The following GCNT1 variants were observed in gnomAD, a reference collection of about 807,000 sequenced individuals.
GCNT1 encodes glucosaminyl (N-acetyl) transferase 1.
Under a neutral mutation model 26.2 loss-of-function variants are expected in GCNT1, and 16 were observed. The observed-to-expected ratio is 0.61, with a 90% confidence interval of 0.41 to 0.93. The LOEUF (loss-of-function observed/expected upper bound fraction) is 0.93, where lower values mean the gene tolerates loss of function less well. GCNT1 is among the 40% of genes least tolerant of loss of function. GCNT1 has a pLI of 0.00. For missense variants in GCNT1, 477 were observed against 526.7 expected (o/e 0.91, Z 0.92); for synonymous variants, 183 against 190.8 (o/e 0.96, Z 0.34).
intron 1 of GCNT1, among the ~76,000 whole-genome samples, chr9:76,423,219 GT>G (rs1424481502): frequency 6.6e-6 from 1 of 152,206 alleles, no homozygotes. Context: ...GTTTAAATGT[GT>G]CCCCCAAAGT....
At chr9:76,480,233 T>C (rs1328552254) in intron 2 of GCNT1, among the ~76,000 whole-genome samples, 1 of 152,164 alleles carries the variant, frequency 6.6e-6, no homozygotes, top group Admixed American at 6.5e-5. Flanking sequence ...TTGGTACCAG[T>C]ACCATGCTGT....
chr9:76,453,373 G>T (rs1166490055), intron 1 of GCNT1, among the ~76,000 whole-genome samples: 2 of 152,128 alleles, frequency 1.3e-5, no homozygotes, highest in Non-Finnish European at 2.9e-5. Flanking sequence ...GAGGGATGAG[G>T]ATGATGGGAA....
chr9:76,493,858 G>C (rs1244101780), intron 2 of GCNT1, among the ~76,000 whole-genome samples: 1 of 152,098 alleles, frequency 6.6e-6, no homozygotes, highest in African/African-American at 2.4e-5. Context: ...GGATAGTATT[G>C]TAATTTCTAC....
chr9:76,404,130 A>G, the GCNT1 span, among the ~76,000 whole-genome samples: 1 of 152,224 alleles, frequency 6.6e-6, no homozygotes, highest in Non-Finnish European at 1.5e-5. Flanking sequence ...CAAATTCATG[A>G]TACCTTTGGA....
chr9:76,427,656 C>A (rs1229915484), intron 1 of GCNT1, among the ~76,000 whole-genome samples: 1 of 152,052 alleles, frequency 6.6e-6, no homozygotes, highest in African/African-American at 2.4e-5. Context: ...ATAGTTTATA[C>A]ATGTGAAAAA....
At chr9:76,423,723 A>G (rs1316670142) in intron 1 of GCNT1, among the ~76,000 whole-genome samples, 3 of 152,236 alleles carry the variant, frequency 2.0e-5, no homozygotes, top group African/African-American at 7.2e-5. Flanking sequence ...GGGATTCAAC[A>G]ACTCTTCTAG....
At chr9:76,500,850 AT>A (rs1825043892) in intron 2 of GCNT1, 65 bp from the exon 3 acceptor site, 1 of 152,166 alleles carries the variant, frequency 6.6e-6, no homozygotes, top group South Asian at 2.1e-4. Flanking sequence ...TCACCAACAT[AT>A]TTTCTGAGTG....
At chr9:76,479,048 C>T (rs1268194118) in intron 2 of GCNT1, among the ~76,000 whole-genome samples, 2 of 152,020 alleles carry the variant, frequency 1.3e-5, no homozygotes, top group Non-Finnish European at 2.9e-5. Context: ...TGATGTCCCC[C>T]TTCCTGTGTC....
At chr9:76,409,050 T>C in the GCNT1 span, among the ~76,000 whole-genome samples, 1 of 152,194 alleles carries the variant, frequency 6.6e-6, no homozygotes, top group Non-Finnish European at 1.5e-5. Flanking sequence ...TCTTAAATAT[T>C]TAGAAGAATT....
chr9:76,421,063 T>A (rs7041690), intron 1 of GCNT1, among the ~76,000 whole-genome samples: 2 of 151,886 alleles, frequency 1.3e-5, no homozygotes, highest in Non-Finnish European at 1.5e-5. Flanking sequence ...TATTTTTTCC[T>A]CATGGGGTCA....
At chr9:76,477,700 C>G (rs1044030545) in intron 2 of GCNT1, among the ~76,000 whole-genome samples, 30 of 152,194 alleles carry the variant, frequency 2.0e-4, no homozygotes, top group African/African-American at 6.3e-4. Flanking sequence ...CATATTTGCA[C>G]TGTTGTGCAG....
At chr9:76,404,665 T>C in the GCNT1 span, among the ~76,000 whole-genome samples, 24 of 152,252 alleles carry the variant, frequency 1.6e-4, no homozygotes, top group Middle Eastern at 6.8e-3. Context: ...GGGCATGATA[T>C]AAGTCCAGCT....
chr9:76,500,901 T>G lies in GCNT1; in HGVS notation c.-289-15T>G, dbSNP rs901078619. The G allele has an allele frequency of 6.6e-6, 1 of 152,182 alleles. No individual in the cohort carries two copies. The highest frequency in any genetic ancestry group is 2.4e-5 in the African/African-American group (1 of 41,430). The allele number at this position is 152,182 out of a possible 1,614,324, so 9.4% of individuals were successfully genotyped here. A position where few individuals can be genotyped will look rare whatever the true frequency, so the allele number is the denominator to read the frequency against. ...GTCCATATATCCCTTGTCACATTGT[T>G]TTTTAATTTCACAGATTTCTTTAAA... On this transcript the variant is annotated splice_polypyrimidine_tract_variant and intron_variant, in intron 2 of 3. Transcript: ENST00000376730.
the GCNT1 span, among the ~76,000 whole-genome samples, chr9:76,405,775 A>G: frequency 2.6e-5 from 4 of 152,044 alleles, no homozygotes; most frequent in African/African-American, 9.7e-5. Flanking sequence ...ATCATAGTTT[A>G]TTTTCCTATT....
intron 2 of GCNT1, among the ~76,000 whole-genome samples, chr9:76,485,962 C>T (rs1464220588): frequency 6.6e-6 from 1 of 152,172 alleles, no homozygotes; most frequent in Non-Finnish European, 1.5e-5. Flanking sequence ...GAACTCCAGA[C>T]CTCAAGTGAT....
At chr9:76,440,266 C>T (rs1167981020), upstream of GCNT1, among the ~76,000 whole-genome samples, 1 of 152,124 alleles carries the variant, frequency 6.6e-6, no homozygotes, top group Non-Finnish European at 1.5e-5. Flanking sequence ...ACCCACATGA[C>T]TTTCAAAAGT....
At chr9:76,396,137 T>A in the GCNT1 span, among the ~76,000 whole-genome samples, 4 of 152,172 alleles carry the variant, frequency 2.6e-5, no homozygotes, top group African/African-American at 9.7e-5. Flanking sequence ...AAGCCCTAGG[T>A]TGCAAGAAGG....
intron 2 of GCNT1, among the ~76,000 whole-genome samples, chr9:76,499,854 A>T (rs564780461): frequency 5.3e-5 from 8 of 152,090 alleles, no homozygotes; most frequent in African/African-American, 1.9e-4. Context: ...ATTTTTTTCA[A>T]CTATTTTTCT....
At chr9:76,430,332 A>AT (rs1440094474) in intron 1 of GCNT1, among the ~76,000 whole-genome samples, 2 of 151,962 alleles carry the variant, frequency 1.3e-5, no homozygotes, top group Non-Finnish European at 2.9e-5. Context: ...TTTAATTTGC[A>AT]TTTTTCTGGT....
Sources: allele counts gnomAD v4.1 joint callset (sites outside exome capture counted in the v4.1 genomes callset), GRCh38; gene constraint gnomAD v4.1.1; transcripts MANE v1.5; gene names NCBI Gene and HGNC (gene_info 2026-07-23, HGNC 2026-07-21).